The following MAPK10 variants were observed in gnomAD, a reference collection of about 807,000 sequenced individuals.
MAPK10 encodes the protein JNK3 alpha protein kinase.
MAPK10 carries 25 observed loss-of-function variants against 59.3 expected under a neutral mutation model. The ratio of observed to expected loss-of-function variants is 0.42; its 90% CI spans 0.31 to 0.59. The LOEUF (loss-of-function observed/expected upper bound fraction) is 0.59, where lower values mean the gene tolerates loss of function less well. Among genes scored for constraint, MAPK10 ranks in the 20% least tolerant of loss-of-function variants. The pLI is 0.15. For missense variants in MAPK10, 351 were observed against 568.9 expected (o/e 0.62, Z 3.90); for synonymous variants, 190 against 200.5 (o/e 0.95, Z 0.44).
rs146218530 is a variant in MAPK10, at chr4:86,574,523, C to T, written c.-263+19387G>A. Among the ~76,000 whole-genome samples, 1,434 of 151,892 alleles carry T rather than the reference C, an allele frequency of 9.4e-3. 6 individuals carry two copies. The highest frequency in any genetic ancestry group is 0.032 in the African/African-American group (1,341 of 41,380). The stretch of plus-strand genomic sequence containing the variant: ...CTGAACTAGTTTACAGTCCCACCAA[C>T]GGTGTAAAAGTGTTCCTATTTCTCC... On this transcript the variant is annotated intron_variant, in intron 1 of 4. Coordinates refer to the MAPK10 transcript ENST00000502302.
chr4:86,300,490 T>G (rs2095448417), intron 2 of MAPK10: 1 of 152,150 alleles, frequency 6.6e-6, no homozygotes, highest in African/African-American at 2.4e-5. Context: ...AAAAAAGCCC[T>G]TCCTTAGAAT....
chr4:86,574,779 G>C (rs1241673933), intron 1 of MAPK10, among the ~76,000 whole-genome samples: 1 of 151,878 alleles, frequency 6.6e-6, no homozygotes, highest in Admixed American at 6.6e-5. Context: ...GGAGGGGATG[G>C]GGGGCAAATT....
At chr4:86,414,008 T>C (rs1250559537) in intron 1 of MAPK10, among the ~76,000 whole-genome samples, 1 of 152,202 alleles carries the variant, frequency 6.6e-6, no homozygotes, top group East Asian at 1.9e-4. Context: ...TCAATCTCAC[T>C]GGGAGCTGAA....
chr4:86,018,003 G>A (rs868009706), intron 13 of MAPK10, among the ~76,000 whole-genome samples: 2 of 152,192 alleles, frequency 1.3e-5, no homozygotes, highest in Non-Finnish European at 2.9e-5. Context: ...TTACAGGCGT[G>A]AGCCACCACG....
intron 1 of MAPK10, among the ~76,000 whole-genome samples, chr4:86,493,223 T>C (rs1042776637): frequency 2.0e-5 from 3 of 152,236 alleles, no homozygotes. Flanking sequence ...TCTGTGAATC[T>C]GCTGTGATTC....
intron 1 of MAPK10, among the ~76,000 whole-genome samples, chr4:86,551,466 T>C (rs1437809336): frequency 3.9e-5 from 6 of 152,240 alleles, no homozygotes; most frequent in African/African-American, 1.4e-4. Context: ...TTAAAGCTGA[T>C]AAAGTATACT....
rs1050547669 is a variant in MAPK10, at chr4:86,401,942, C to T, written c.-121-47298G>A. Among the ~76,000 whole-genome samples the T allele has an allele frequency of 2.0e-5, 3 of 152,054 alleles. No individual in the cohort carries two copies. The East Asian group carries it at 5.8e-4, about 29-fold the overall frequency. On this transcript the variant is annotated intron_variant, in intron 1 of 13. Coordinates refer to the MAPK10 transcript ENST00000361569. ...CTTTGAGAAACTATCCCTCCTCCTC[C>T]CCTATGTTCTACTGTCAGAGCTCCA...
At chr4:86,383,077 A>G (rs1579006110) in intron 1 of MAPK10, among the ~76,000 whole-genome samples, 2 of 152,244 alleles carry the variant, frequency 1.3e-5, no homozygotes, top group South Asian at 2.1e-4. Flanking sequence ...TAAGAACTAT[A>G]TAAGTAAATG....
rs2575675 is a variant in MAPK10 at position 86,014,737 on chromosome 4, T to C, written c.*2491A>G. The C allele has an allele frequency of 0.22, 32,999 of 152,094 alleles. 3,758 individuals are homozygous for C. Among genetic ancestry groups the C allele is most frequent in the Middle Eastern group, 0.27 (80 of 294 alleles). 9.4% of individuals were successfully genotyped at this position (152,094 alleles called of 1,614,324 possible). On this transcript the variant is annotated 3_prime_UTR_variant, in exon 14 of 14. Coordinates refer to ENST00000641462, the MANE Select transcript of MAPK10 (RefSeq NM_138982.4). ...CCTGTCTAGTTCTTGCCTGGTTTAC[T>C]CTGAGGGGGAAATTCACCACTTATG...
upstream of MAPK10, chr4:86,457,833 A>G (rs1424043879): frequency 6.6e-6 from 1 of 152,194 alleles, no homozygotes; most frequent in African/African-American, 2.4e-5. Context: ...CGGAACCAAA[A>G]AAGAGCCTAC....
At chr4:86,211,028 TATTA>T (rs147351305) in intron 2 of MAPK10, among the ~76,000 whole-genome samples, 4,500 of 151,760 alleles carry the variant, frequency 0.03, 89 homozygotes, top group South Asian at 0.041. Flanking sequence ...CAATAAAAAT[TATTA>T]ATTATGAAGA....
At chr4:86,264,800 C>T (rs1176971745) in intron 2 of MAPK10, among the ~76,000 whole-genome samples, 1 of 151,732 alleles carries the variant, frequency 6.6e-6, no homozygotes, top group Non-Finnish European at 1.5e-5. Context: ...AACCTTGCAC[C>T]CATCTCTTCA....
chr4:86,345,568 T>C (rs1727649779), intron 2 of MAPK10, among the ~76,000 whole-genome samples: 1 of 152,192 alleles, frequency 6.6e-6, no homozygotes, highest in Non-Finnish European at 1.5e-5. Flanking sequence ...TTAGTCACTT[T>C]AGAAATTAAG....
At chr4:86,061,512 T>C (rs980854088) in intron 11 of MAPK10, among the ~76,000 whole-genome samples, 1 of 152,164 alleles carries the variant, frequency 6.6e-6, no homozygotes. Flanking sequence ...CATGTGTACA[T>C]GACTAATTTT....
chr4:86,018,230 T>G (rs1744361985), intron 13 of MAPK10, among the ~76,000 whole-genome samples: 1 of 152,194 alleles, frequency 6.6e-6, no homozygotes, highest in African/African-American at 2.4e-5. Context: ...TCTGAATTAC[T>G]TGGGGACCAC....
At chr4:86,101,754 G>A in intron 7 of MAPK10, 140 bp downstream of exon 7, 2 of 799,540 alleles carry the variant, frequency 2.5e-6, no homozygotes, top group Middle Eastern at 2.7e-4. Flanking sequence ...TACAATTAGT[G>A]AACTAGGTGC....
At chr4:86,171,118 A>G (rs946656567) in intron 3 of MAPK10, 1 of 152,030 alleles carries the variant, frequency 6.6e-6, no homozygotes, top group African/African-American at 2.4e-5. Flanking sequence ...CACAAGAGAA[A>G]GCAGGAAAGA....
At chr4:86,190,053 T>C (rs991481033) in intron 3 of MAPK10, among the ~76,000 whole-genome samples, 1 of 152,194 alleles carries the variant, frequency 6.6e-6, no homozygotes, top group African/African-American at 2.4e-5. Context: ...TTACATTTAT[T>C]GATTTGCATA....
At chr4:86,080,202 C>T (rs1687045402) in intron 9 of MAPK10, 1 of 151,468 alleles carries the variant, frequency 6.6e-6, no homozygotes, top group Admixed American at 6.6e-5. Context: ...TGAGAAATTC[C>T]AGTAATTGAA....
Sources: gnomAD v4.1 joint callset for allele counts (sites outside exome capture counted in the v4.1 genomes callset) on GRCh38, gnomAD v4.1.1 for gene constraint, MANE v1.5 for transcripts, NCBI Gene and HGNC (gene_info 2026-07-23, HGNC 2026-07-21) for gene names.